Variants in ZNF99 observed in about 807,000 individuals in gnomAD.
ZNF99 encodes the protein zinc finger protein 99.
In ZNF99, 8 loss-of-function variants were observed where a neutral mutation model predicts 12.8. The observed-to-expected ratio is 0.62, with a 90% CI of 0.37 to 1.13. The LOEUF (loss-of-function observed/expected upper bound fraction) is 1.13. ZNF99 is among the 50% of genes most tolerant of loss of function. The pLI is 0.02. For missense variants in ZNF99, 1,007 were observed against 1,006.2 expected (o/e 1.00, Z -0.01); for synonymous variants, 318 against 319.0 (o/e 1.00, Z 0.03).
intron 3 of ZNF99, among the ~76,000 whole-genome samples, chr19:22,762,846 A>ATG (rs1973165063): frequency 6.6e-6 from 1 of 152,216 alleles, no homozygotes; most frequent in African/African-American, 2.4e-5. Flanking sequence ...AAGTCAATAA[A>ATG]TGTGATACAC....
Position 22,769,049 on chromosome 19 carries a change from C to A in ZNF99, c.130+149G>T, listed in dbSNP as rs879233804. ...TGTTTCAAAAAAAAAAAAAAAAATT[C>A]TTTTCTACACTTTCAAATCCCTGTT... is the stretch of plus-strand genomic sequence containing the variant. On this transcript the variant is annotated intron_variant, in intron 2 of 3. Transcript: ENST00000596209. 10 of 634,156 alleles carry A rather than the reference C, an allele frequency of 1.6e-5. No homozygotes were observed. The Admixed American group carries it at 1.7e-4, about 11-fold the overall frequency. 39.3% of individuals were successfully genotyped at this position (634,156 alleles called of 1,614,324 possible). A position where few individuals can be genotyped will look rare whatever the true frequency, so the allele number is the denominator to read the frequency against.
chr19:22,760,255 T>C (rs1973135394), intron 3 of ZNF99, among the ~76,000 whole-genome samples: 1 of 152,152 alleles, frequency 6.6e-6, no homozygotes, highest in Admixed American at 6.5e-5. Flanking sequence ...ATTATGCTAT[T>C]GTACTCCAGC....
At chr19:22,778,162 A>T (rs1034305408) in intron 1 of ZNF99, among the ~76,000 whole-genome samples, 2 of 152,014 alleles carry the variant, frequency 1.3e-5, no homozygotes, top group Non-Finnish European at 2.9e-5. Flanking sequence ...TAAATTAAAA[A>T]AAAAAAGAAA....
chr19:22,774,943 C>T lies in ZNF99; in HGVS notation c.4-5619G>A, dbSNP rs572466263. On this transcript the variant is annotated intron_variant, in intron 1 of 3. Coordinates refer to ENST00000596209, the MANE Select transcript of ZNF99 (RefSeq NM_001080409.3). ...CAAATAAATGGAAAACCATTTTATG[C>T]TCATAGGTAGAAAAGATCAAAATCA... Among the ~76,000 whole-genome samples, 12 of 152,222 alleles carry T rather than the reference C, an allele frequency of 7.9e-5. No individual in the cohort carries two copies. In the East Asian group the frequency reaches 2.3e-3, roughly 29 times the overall value.
chr19:22,769,550 G>A (rs181280669), intron 1 of ZNF99, among the ~76,000 whole-genome samples: 36 of 152,180 alleles, frequency 2.4e-4, no homozygotes, highest in Admixed American at 1.5e-3. Flanking sequence ...GGAAGATCAC[G>A]AAGTCAGGAG....
intron 1 of ZNF99, 105 bp from the exon 2 acceptor site, chr19:22,769,429 C>T: frequency 7.8e-7 from 1 of 1,281,928 alleles, no homozygotes; most frequent in Non-Finnish European, 1.1e-6. Context: ...CAGGTTCTAA[C>T]TTACAGGGAT....
At chr19:22,760,446 T>C (rs1973137482) in intron 3 of ZNF99, among the ~76,000 whole-genome samples, 1 of 152,122 alleles carries the variant, frequency 6.6e-6, no homozygotes, top group Admixed American at 6.6e-5. Flanking sequence ...GTGGCATACT[T>C]TAAAATGACA....
In ZNF99 at chr19:22,753,007, C is replaced by G. The variant is rs1972990822; in HGVS notation, c.*4307G>C. 1 of 151,740 alleles carries G rather than the reference C, an allele frequency of 6.6e-6. No homozygotes were observed. The highest frequency in any genetic ancestry group is 2.1e-4 in the South Asian group (1 of 4,810). The allele number at this position is 151,740 out of a possible 1,614,324, so 9.4% of individuals were successfully genotyped here. On this transcript the variant is annotated 3_prime_UTR_variant, in exon 4 of 4. Transcript: ENST00000596209. ...TTATGAAAAAGGTCATAAATAATGC[C>G]CATCTAATAAAAAAGAATCTTTCAT... is the stretch of plus-strand genomic sequence containing the variant.
At chr19:22,781,948 G>A (rs1448509458) in intron 1 of ZNF99, among the ~76,000 whole-genome samples, 3 of 151,582 alleles carry the variant, frequency 2.0e-5, no homozygotes, top group African/African-American at 7.3e-5. Context: ...TGTGGAGCAA[G>A]GAGGAAAAAA....
rs1289060498 is a variant in ZNF99, at chr19:22,757,622, A to G, written c.2287T>C (p.Cys763Arg). 3.1e-6 allele frequency: 5 copies of G among 1,611,412 alleles called. No individual in the cohort carries two copies. The highest frequency in any genetic ancestry group is 4.2e-6 in the Non-Finnish European group (5 of 1,179,662). ...TTAAAAGCTTTGCCACATTCTTCACATTTGCAGGGTTTCTCTGCAGTATGA... is the reference window on the plus strand; with the variant it reads ...TTAAAAGCTTTGCCACATTCTTCACGTTTGCAGGGTTTCTCTGCAGTATGA... The part of the protein sequence containing the change: ...VIHTAEKPCK[C>R]EECGKAFKHF... Residue 763 changes from cysteine to arginine, a missense_variant, in exon 4 of 4, where the codon TGT becomes CGT. By Grantham distance (180) the Cys-to-Arg change is radical. Transcript: ENST00000596209.
At chr19:22,776,255 G>A (rs759574812) in intron 1 of ZNF99, among the ~76,000 whole-genome samples, 1 of 150,708 alleles carries the variant, frequency 6.6e-6, no homozygotes, top group Non-Finnish European at 1.5e-5. Context: ...GGAGGCTGAG[G>A]CAGGAGAATC....
At position 22,756,976 on chromosome 19, in the gene ZNF99, A is replaced by C; in HGVS notation, c.*338T>G. 1 of 1,612,178 alleles carries C rather than the reference A, an allele frequency of 6.2e-7. No individual in the cohort carries two copies. Among genetic ancestry groups the C allele is most frequent in the East Asian group, 2.2e-5 (1 of 44,786 alleles). On this transcript the variant is annotated 3_prime_UTR_variant, in exon 4 of 4. Coordinates refer to ENST00000596209, the MANE Select transcript of ZNF99 (RefSeq NM_001080409.3). ...ATTTGTATGGTTTCTCCCCAGTATG[A>C]ATTATCTTATGTTTCCTAAGGGCTG...
At chr19:22,772,208 A>G (rs1973281121) in intron 1 of ZNF99, among the ~76,000 whole-genome samples, 1 of 152,100 alleles carries the variant, frequency 6.6e-6, no homozygotes. Context: ...ATGGACAGAG[A>G]GTGAGTTGAT....
rs1973049895 is a variant in ZNF99 at position 22,756,235 on chromosome 19, A to G, written c.*1079T>C. The G allele has an allele frequency of 1.3e-6, 2 of 1,566,226 alleles. No individual in the cohort carries two copies. The highest frequency in any genetic ancestry group is 1.7e-6 in the Non-Finnish European group (2 of 1,156,838). Reference sequence around the variant, plus strand: ...GCTTCTCCCCAGTATGAATTATCTTATGTTTAGTAAGGGCTGAAAGATGGT... The same window carrying G: ...GCTTCTCCCCAGTATGAATTATCTTGTGTTTAGTAAGGGCTGAAAGATGGT... On this transcript the variant is annotated 3_prime_UTR_variant, in exon 4 of 4. Coordinates refer to ENST00000596209, the MANE Select transcript of ZNF99 (RefSeq NM_001080409.3).
At chr19:22,782,148 T>C (rs970186544) in intron 1 of ZNF99, among the ~76,000 whole-genome samples, 5 of 151,882 alleles carry the variant, frequency 3.3e-5, no homozygotes, top group Admixed American at 6.6e-5. Context: ...AGAGGGAAAA[T>C]TGACATTATG....
chr19:22,755,207 A>G lies in ZNF99; in HGVS notation c.*2107T>C. On this transcript the variant is annotated 3_prime_UTR_variant, in exon 4 of 4. Coordinates refer to ENST00000596209, the MANE Select transcript of ZNF99 (RefSeq NM_001080409.3). The stretch of plus-strand genomic sequence containing the variant: ...GCATTGCCACTTTCTTCACATTTGT[A>G]GGGTTTTTCTCCAGTACGAATTTTC... 3.6e-6 allele frequency: 1 copy of G among 277,986 alleles called. No individual in the cohort carries two copies. The highest frequency in any genetic ancestry group is 7.3e-6 in the Non-Finnish European group (1 of 137,912). The allele number at this position is 277,986 out of a possible 1,614,324, so 17.2% of individuals were successfully genotyped here. A position where few individuals can be genotyped will look rare whatever the true frequency, so the allele number is the denominator to read the frequency against.
chr19:22,773,708 G>A (rs943108126), intron 1 of ZNF99: 2 of 152,134 alleles, frequency 1.3e-5, no homozygotes, highest in African/African-American at 4.8e-5. Context: ...CCTGAGCACT[G>A]GGGCTACTCC....
rs763136152 is a variant in ZNF99, at chr19:22,758,449, C to A, written c.1460G>T (p.Gly487Val). The A allele has an allele frequency of 1.2e-6, 2 of 1,613,124 alleles. No individual in the cohort carries two copies. Among genetic ancestry groups the A allele is most frequent in the Non-Finnish European group, 1.7e-6 (2 of 1,179,694 alleles). ...GEKPYKCEEC[G>V]KAFKWSSKLT... ...TTTTGAGGACCACTTAAAAGCTTTA[C>A]CACATTCTTCACATTTGTAGGGTTT... The change falls in exon 4 of 4, where the codon GGT (glycine) becomes GTT (valine). Residue 487 changes from glycine to valine, a missense_variant. Physicochemically the swap from Gly to Val is moderately radical, Grantham distance 109. Transcript: ENST00000596209.
At position 22,756,188 on chromosome 19, in the gene ZNF99, A is replaced by C. The variant is rs71357931; in HGVS notation, c.*1126T>G. The C allele has an allele frequency of 0.025, 38,029 of 1,513,788 alleles. 2,480 individuals are homozygous for C. The highest frequency in any genetic ancestry group is 0.22 in the African/African-American group (13,581 of 60,586). 93.8% of individuals were successfully genotyped at this position (1,513,788 alleles called of 1,614,324 possible). On this transcript the variant is annotated 3_prime_UTR_variant, in exon 4 of 4. Transcript: ENST00000596209. ...GTTTGTAAAATGGTTGAAAGCTTTG[A>C]CACATTCTTCACATTTTTAGGGCTT... is the stretch of plus-strand genomic sequence containing the variant.
Sources: gnomAD v4.1 joint callset for allele counts (sites outside exome capture counted in the v4.1 genomes callset) on GRCh38, gnomAD v4.1.1 for gene constraint, MANE v1.5 for transcripts, NCBI Gene and HGNC (gene_info 2026-07-23, HGNC 2026-07-21) for gene names.